The following DMD variants were observed in gnomAD, a reference collection of about 807,000 sequenced individuals.
The protein encoded by DMD is dystrophin, also known as mutant dystrophin.
In DMD, 63 loss-of-function variants were observed where a neutral mutation model predicts 330.1. That is an observed-to-expected ratio of 0.19 (90% CI 0.16 to 0.24). The LOEUF is 0.24. Ranked by LOEUF, DMD falls within the 10% of genes least tolerant of loss-of-function variation. DMD has a pLI of 1.00. For synonymous variants in DMD, 1,223 were observed against 959.8 expected (o/e 1.27, Z -5.07); for missense variants, 3,344 against 2,684.1 (o/e 1.25, Z -5.43).
intron 60 of DMD, among the ~76,000 whole-genome samples, chrX:31,395,596 T>G (rs933035607): frequency 8.9e-6 from 1 of 112,068 alleles, no homozygotes; most frequent in Non-Finnish European, 1.9e-5. Context: ...TTCTGGGAAA[T>G]TTTTGGCTTT....
In DMD at chrX:33,211,168, T is replaced by C. The variant is rs752306672; in HGVS notation, c.31+114A>G. The C allele has an allele frequency of 3.0e-5, 27 of 895,321 alleles. No individual in the cohort carries two copies. In the East Asian group the frequency reaches 9.2e-4, roughly 31 times the overall value. The allele number at this position is 895,321 out of a possible 1,213,427, so 73.8% of individuals were successfully genotyped here. On this transcript the variant is annotated intron_variant, in intron 1 of 78. Coordinates refer to ENST00000357033, the MANE Select transcript of DMD (RefSeq NM_004006.3). ...ATATATGCAGTATATATAACATTTATGCTTCTTTGCAAACTACTGTGATAA... is the reference window on the plus strand; with the variant it reads ...ATATATGCAGTATATATAACATTTACGCTTCTTTGCAAACTACTGTGATAA...
chrX:31,937,473 T>C (rs1164195658), intron 45 of DMD, among the ~76,000 whole-genome samples: 1 of 111,948 alleles, frequency 8.9e-6, no homozygotes, highest in Non-Finnish European at 1.9e-5. Flanking sequence ...CTTTTAAATA[T>C]GAAAACATTT....
chrX:33,242,793 C>G (rs965110951), intron 1 of DMD, among the ~76,000 whole-genome samples: 2 of 111,589 alleles, frequency 1.8e-5, no homozygotes, highest in African/African-American at 6.5e-5. Flanking sequence ...GCCATTCTTG[C>G]AGGAGTAAGG....
At chrX:32,379,970 A>C (rs1052846010) in intron 34 of DMD, among the ~76,000 whole-genome samples, 2 of 111,665 alleles carry the variant, frequency 1.8e-5, no homozygotes, top group Non-Finnish European at 3.8e-5. Context: ...TCTAAGCAGC[A>C]TGAAATGATT....
intron 25 of DMD, among the ~76,000 whole-genome samples, chrX:32,457,438 C>T (rs1240240476): frequency 2.7e-5 from 3 of 110,540 alleles, no homozygotes; most frequent in Non-Finnish European, 5.7e-5. Flanking sequence ...CAGAATAATT[C>T]TCTACTGATG....
At chrX:31,168,263 T>C (rs1339030287) in intron 74 of DMD, among the ~76,000 whole-genome samples, 1 of 111,659 alleles carries the variant, frequency 9.0e-6, no homozygotes, top group Non-Finnish European at 1.9e-5. Context: ...AAGAGAATAT[T>C]GTGGAAGGGT....
chrX:33,323,245 T>C (rs1433049737), intron 1 of DMD, among the ~76,000 whole-genome samples: 1 of 112,065 alleles, frequency 8.9e-6, no homozygotes, highest in Non-Finnish European at 1.9e-5. Context: ...GTTGGATGTA[T>C]TGTTACATCC....
At chrX:33,042,329 C>A (rs2094315094) in intron 1 of DMD, among the ~76,000 whole-genome samples, 1 of 111,309 alleles carries the variant, frequency 9.0e-6, no homozygotes, top group African/African-American at 3.3e-5. Flanking sequence ...CCTGTTCAAA[C>A]TTTCTATTAA....
Position 32,624,456 on chromosome X carries a change from G to C in DMD, c.1332-10003C>G, listed in dbSNP as rs147096147. 3.7e-3 allele frequency among the ~76,000 whole-genome samples: 417 copies of C among 112,067 alleles called. 2 individuals are homozygous for C. The highest frequency in any genetic ancestry group is 0.013 in the African/African-American group (400 of 30,848). On this transcript the variant is annotated intron_variant, in intron 11 of 78. Coordinates refer to ENST00000357033, the MANE Select transcript of DMD (RefSeq NM_004006.3). The stretch of plus-strand genomic sequence containing the variant: ...GAACTTGGAACTTTGGCAACATAGA[G>C]TTACAGACCTAATGGTCTCTAGCGT...
At chrX:33,314,162 A>G (rs1418514704) in intron 1 of DMD, among the ~76,000 whole-genome samples, 3 of 111,205 alleles carry the variant, frequency 2.7e-5, no homozygotes, top group Non-Finnish European at 5.7e-5. Flanking sequence ...CTACACAAAC[A>G]TAGACATAAT....
chrX:33,010,388 T>C (rs376361853), intron 2 of DMD, among the ~76,000 whole-genome samples: 1 of 108,217 alleles, frequency 9.2e-6, no homozygotes. Flanking sequence ...ACACATTTTT[T>C]AAAAAATAGG....
Position 32,884,100 on chromosome X carries a change from A to G in DMD, c.94-34280T>C, listed in dbSNP as rs2084289429. 2.7e-5 allele frequency among the ~76,000 whole-genome samples: 3 copies of G among 110,751 alleles called. No individual in the cohort carries two copies. In the South Asian group the frequency reaches 1.2e-3, roughly 43 times the overall value. On this transcript the variant is annotated intron_variant, in intron 2 of 78. Coordinates refer to ENST00000357033, the MANE Select transcript of DMD (RefSeq NM_004006.3). Reference sequence around the variant, plus strand: ...AAACATGCCATCCTCAATATTCCCAATGTCCCCTATACTAAGACTAGTCTT... The same window carrying G: ...AAACATGCCATCCTCAATATTCCCAGTGTCCCCTATACTAAGACTAGTCTT...
At chrX:31,786,348 G>A (rs1425974781) in intron 50 of DMD, among the ~76,000 whole-genome samples, 1 of 111,400 alleles carries the variant, frequency 9.0e-6, no homozygotes, top group Non-Finnish European at 1.9e-5. Context: ...TTTTAAAAGG[G>A]AATTCATAGA....
chrX:31,344,165 G>A lies in DMD; in HGVS notation c.9163+4391C>T, dbSNP rs751577683. ...ACCATGCCTAGCTCAAATACGGTTT[G>A]GATGGCACACCCAATTTCTGGTGCA... is the stretch of plus-strand genomic sequence containing the variant. On this transcript the variant is annotated intron_variant, in intron 61 of 78. Transcript: ENST00000357033. 1.5e-4 allele frequency among the ~76,000 whole-genome samples: 16 copies of A among 110,203 alleles called. No individual in the cohort carries two copies. In the South Asian group the frequency reaches 6.4e-3, roughly 44 times the overall value.
chrX:31,133,057 A>G (rs1038155899), intron 77 of DMD, among the ~76,000 whole-genome samples: 1 of 112,182 alleles, frequency 8.9e-6, no homozygotes, highest in Non-Finnish European at 1.9e-5. Flanking sequence ...TTACTTGCAC[A>G]TCAAATAGCT....
At position 32,600,386 on chromosome X, in the gene DMD, G is replaced by C. The variant is rs755036564; in HGVS notation, c.1483-4510C>G. On this transcript the variant is annotated intron_variant, in intron 12 of 78. Transcript: ENST00000357033. Reference sequence around the variant, plus strand: ...TATAATAGAAAACAAAAACAAGGATGGGTATCCTGTAAATTCGATGGGAGA... The same window carrying C: ...TATAATAGAAAACAAAAACAAGGATCGGTATCCTGTAAATTCGATGGGAGA... Among the ~76,000 whole-genome samples the C allele has an allele frequency of 4.5e-5, 5 of 111,463 alleles. No individual in the cohort carries two copies. The South Asian group carries it at 1.9e-3, about 42-fold the overall frequency.
At chrX:31,910,246 A>G (rs1454587936) in intron 47 of DMD, among the ~76,000 whole-genome samples, 2 of 112,480 alleles carry the variant, frequency 1.8e-5, no homozygotes, top group Non-Finnish European at 3.8e-5. Flanking sequence ...CAATCAATCA[A>G]TTTAATAGTG....
rs774305637 is a variant in DMD, at chrX:32,217,061, C to T, written c.6293G>A (p.Arg2098Gln). The change falls in exon 44 of 79, where the codon CGA (arginine) becomes CAA (glutamine). Residue 2098 changes from arginine to glutamine, a missense_variant and splice_region_variant. Transcript: ENST00000357033. ...CCATTTCTCAACAGATCTGTCAAAT[C>T]GCCTGCAGGTAAAAGCATATGGATC... ...VNKMYKDRQG[R>Q]FDRSVEKWRR... The T allele has an allele frequency of 8.3e-7, 1 of 1,208,235 alleles. No individual in the cohort carries two copies. Among genetic ancestry groups the T allele is most frequent in the South Asian group, 1.8e-5 (1 of 56,822 alleles).
chrX:32,185,635 G>T (rs1386407645), intron 44 of DMD, among the ~76,000 whole-genome samples: 1 of 111,449 alleles, frequency 9.0e-6, no homozygotes, highest in Non-Finnish European at 1.9e-5. Context: ...AATGCTACTT[G>T]AATACAATAA....
Sources: allele counts gnomAD v4.1 joint callset (sites outside exome capture counted in the v4.1 genomes callset), GRCh38; gene constraint gnomAD v4.1.1; transcripts MANE v1.5; gene names NCBI Gene and HGNC (gene_info 2026-07-23, HGNC 2026-07-21).